Variants in FSIP1 observed in about 807,000 individuals in gnomAD.
FSIP1 encodes fibrous sheath interacting protein 1, also known as fibrous sheath-interacting protein 1.
FSIP1 carries 65 observed loss-of-function variants against 60.9 expected under a neutral mutation model. The ratio of observed to expected loss-of-function variants is 1.07; its 90% CI spans 0.87 to 1.31. FSIP1 has a LOEUF of 1.31. Among genes scored for constraint, FSIP1 ranks in the 40% most tolerant of loss-of-function variants. The pLI, the probability that FSIP1 is intolerant of heterozygous loss-of-function variation, is 0.00. For missense variants in FSIP1, 675 were observed against 665.5 expected (o/e 1.01, Z -0.16); for synonymous variants, 209 against 221.2 (o/e 0.94, Z 0.49).
intron 9 of FSIP1, among the ~76,000 whole-genome samples, chr15:39,721,273 T>C (rs1056495764): frequency 6.6e-6 from 1 of 152,238 alleles, no homozygotes; most frequent in Non-Finnish European, 1.5e-5. Flanking sequence ...ATAGTTACCA[T>C]ACAGAGATAA....
rs545875480 is a variant in FSIP1, at chr15:39,633,804, T to C, written c.1189-15559A>G. On this transcript the variant is annotated intron_variant, in intron 10 of 11. Transcript: ENST00000350221. ...AAAATGTTGTAATAGACGCTGATTA[T>C]ATCATCTTCATGTAAAATGAAACAC... Among the ~76,000 whole-genome samples, 42 of 152,358 alleles carry C rather than the reference T, an allele frequency of 2.8e-4. 1 individual carries two copies. The South Asian group carries it at 6.8e-3, about 25-fold the overall frequency.
chr15:39,705,060 C>T (rs1324968847), intron 10 of FSIP1, among the ~76,000 whole-genome samples: 1 of 151,998 alleles, frequency 6.6e-6, no homozygotes, highest in Non-Finnish European at 1.5e-5. Context: ...CAAAAAGAGA[C>T]AGAAAAAAGA....
intron 10 of FSIP1, among the ~76,000 whole-genome samples, chr15:39,701,507 T>C (rs1055426172): frequency 6.6e-6 from 1 of 152,126 alleles, no homozygotes; most frequent in Non-Finnish European, 1.5e-5. Context: ...AGAGGGATGG[T>C]GCAAAGCTTT....
At chr15:39,605,705 G>C (rs984136487) in intron 11 of FSIP1, among the ~76,000 whole-genome samples, 46 of 152,206 alleles carry the variant, frequency 3.0e-4, no homozygotes, top group African/African-American at 8.9e-4. Context: ...AGAACTTGCT[G>C]ATTTGTCAGA....
intron 6 of FSIP1, 59 bp from the exon 7 acceptor site, chr15:39,739,848 T>C (rs775161841): frequency 2.4e-4 from 263 of 1,101,636 alleles, no homozygotes; most frequent in Admixed American, 8.0e-4. Flanking sequence ...ATGCTAAAAG[T>C]TCACTTTAAG....
intron 2 of FSIP1, among the ~76,000 whole-genome samples, chr15:39,773,523 T>A (rs543881531): frequency 1.3e-5 from 2 of 152,342 alleles, no homozygotes; most frequent in Non-Finnish European, 2.9e-5. Context: ...GTAATATTAA[T>A]CTGTGTATTA....
chr15:39,662,285 C>A (rs1305239422), intron 10 of FSIP1, among the ~76,000 whole-genome samples: 1 of 151,810 alleles, frequency 6.6e-6, no homozygotes. Flanking sequence ...TCTAGATGTG[C>A]CATACCTAAA....
chr15:39,725,658 T>C (rs185795624), intron 9 of FSIP1, among the ~76,000 whole-genome samples: 21 of 152,330 alleles, frequency 1.4e-4, no homozygotes, highest in Middle Eastern at 3.4e-3. Flanking sequence ...TACAGGGTTA[T>C]TACTCTCTTA....
At chr15:39,748,465 G>A (rs1212610976) in intron 5 of FSIP1, among the ~76,000 whole-genome samples, 6 of 152,076 alleles carry the variant, frequency 3.9e-5, no homozygotes, top group Admixed American at 6.6e-5. Context: ...ACAATTCTCC[G>A]TGTGGAGCTT....
chr15:39,745,593 G>A (rs1470473191), intron 5 of FSIP1, among the ~76,000 whole-genome samples: 2 of 152,186 alleles, frequency 1.3e-5, no homozygotes, highest in East Asian at 3.9e-4. Flanking sequence ...ACACACCCTG[G>A]ACAGGATGCC....
At chr15:39,748,481 T>C (rs1440711799) in intron 5 of FSIP1, among the ~76,000 whole-genome samples, 1 of 152,168 alleles carries the variant, frequency 6.6e-6, no homozygotes, top group Non-Finnish European at 1.5e-5. Flanking sequence ...AGCTTCCTTA[T>C]GCAATTCCTG....
rs188968754 is a variant in FSIP1, at chr15:39,626,388, C to G, written c.1189-8143G>C. Among the ~76,000 whole-genome samples, 3 of 152,208 alleles carry G rather than the reference C, an allele frequency of 2.0e-5. No homozygotes were observed. In the East Asian group the frequency reaches 5.8e-4, roughly 29 times the overall value. On this transcript the variant is annotated intron_variant, in intron 10 of 11. Coordinates refer to ENST00000350221, the MANE Select transcript of FSIP1 (RefSeq NM_152597.5). ...TTAAGGCCAGGTCAGGGGAGTGTAT[C>G]CAAAACCCTCCACCTTGTACTGGTG...
intron 10 of FSIP1, among the ~76,000 whole-genome samples, chr15:39,642,819 T>TATA (rs1892431224): frequency 6.6e-6 from 1 of 152,220 alleles, no homozygotes; most frequent in Non-Finnish European, 1.5e-5. Flanking sequence ...TATAAGTTGA[T>TATA]TCCTATGGCA....
chr15:39,757,501 T>C (rs1396367517), intron 5 of FSIP1, among the ~76,000 whole-genome samples: 1 of 152,124 alleles, frequency 6.6e-6, no homozygotes, highest in Admixed American at 6.5e-5. Flanking sequence ...TAGAATAAGG[T>C]AATAGTTATG....
At chr15:39,733,236 G>A (rs1259240458) in intron 8 of FSIP1, among the ~76,000 whole-genome samples, 2 of 152,106 alleles carry the variant, frequency 1.3e-5, no homozygotes, top group South Asian at 2.1e-4. Context: ...TCGCCATATT[G>A]GCCAGGGTTA....
chr15:39,671,187 G>A (rs1893705267), intron 10 of FSIP1, among the ~76,000 whole-genome samples: 1 of 152,186 alleles, frequency 6.6e-6, no homozygotes, highest in African/African-American at 2.4e-5. Flanking sequence ...GGAACTAGCA[G>A]AAGGGCAAAA....
At chr15:39,729,388 A>G (rs1482832196) in intron 8 of FSIP1, among the ~76,000 whole-genome samples, 1 of 152,246 alleles carries the variant, frequency 6.6e-6, no homozygotes, top group African/African-American at 2.4e-5. Context: ...CCTGAGCAAC[A>G]TGACAAAACC....
At chr15:39,725,809 G>C (rs1241752095) in intron 9 of FSIP1, among the ~76,000 whole-genome samples, 1 of 148,076 alleles carries the variant, frequency 6.8e-6, no homozygotes, top group African/African-American at 2.5e-5. Flanking sequence ...TTTTGACAGA[G>C]AATCTCGTTG....
At chr15:39,718,235 G>T (rs1895820117) in intron 9 of FSIP1, among the ~76,000 whole-genome samples, 1 of 151,456 alleles carries the variant, frequency 6.6e-6, no homozygotes, top group South Asian at 2.1e-4. Flanking sequence ...GATAGATATA[G>T]ATACAGATAT....
Sources: gnomAD v4.1 joint callset for allele counts (sites outside exome capture counted in the v4.1 genomes callset) on GRCh38, gnomAD v4.1.1 for gene constraint, MANE v1.5 for transcripts, NCBI Gene and HGNC (gene_info 2026-07-23, HGNC 2026-07-21) for gene names.